Variants in DDX10 observed in about 807,000 individuals in gnomAD.
The protein encoded by DDX10 is probable ATP-dependent RNA helicase DDX10.
A neutral mutation model predicts 104.3 loss-of-function variants in DDX10; 74 were observed. The ratio of observed to expected loss-of-function variants is 0.71; its 90% confidence interval spans 0.59 to 0.86. DDX10 has a LOEUF of 0.86. Ranked by LOEUF, DDX10 falls within the 40% of genes least tolerant of loss-of-function variation. DDX10 has a pLI of 0.00. For missense variants in DDX10, 952 were observed against 1,040.0 expected (o/e 0.92, Z 1.16); for synonymous variants, 351 against 353.4 (o/e 0.99, Z 0.08).
At chr11:108,750,577 T>C (rs187402613) in intron 13 of DDX10, among the ~76,000 whole-genome samples, 1 of 152,172 alleles carries the variant, frequency 6.6e-6, no homozygotes, top group African/African-American at 2.4e-5. Context: ...CTTCTTAGAG[T>C]AATGTTTCTA....
intron 13 of DDX10, among the ~76,000 whole-genome samples, chr11:108,752,271 G>T (rs1407175642): frequency 6.6e-6 from 1 of 152,136 alleles, no homozygotes; most frequent in African/African-American, 2.4e-5. Context: ...AACCTACCGG[G>T]TTCCTCTTGC....
intron 14 of DDX10, 44 bp downstream of exon 14, chr11:108,838,609 A>G (rs1376282372): frequency 6.4e-7 from 1 of 1,563,748 alleles, no homozygotes; most frequent in Non-Finnish European, 8.7e-7. Flanking sequence ...CATTTGGAGT[A>G]TTAGAAGAGA....
intron 13 of DDX10, among the ~76,000 whole-genome samples, chr11:108,826,122 G>A (rs186105915): frequency 4.6e-5 from 7 of 152,208 alleles, no homozygotes; most frequent in East Asian, 3.9e-4. Flanking sequence ...TTTTTGATGC[G>A]AAAACAATTA....
chr11:108,682,559 A>T (rs2094236940), intron 6 of DDX10, among the ~76,000 whole-genome samples: 1 of 152,204 alleles, frequency 6.6e-6, no homozygotes, highest in African/African-American at 2.4e-5. Context: ...TTAATCTGGT[A>T]TGATAATTGC....
intron 13 of DDX10, among the ~76,000 whole-genome samples, chr11:108,792,924 T>C (rs935595303): frequency 1.3e-5 from 2 of 152,208 alleles, no homozygotes; most frequent in Admixed American, 1.3e-4. Flanking sequence ...TTGTTTTCAT[T>C]GTATGTGTCT....
At chr11:108,759,933 T>A (rs1382648888) in intron 13 of DDX10, among the ~76,000 whole-genome samples, 1 of 151,952 alleles carries the variant, frequency 6.6e-6, no homozygotes, top group East Asian at 1.9e-4. Context: ...TCTTACCTAC[T>A]TCATTGTGTT....
intron 17 of DDX10, 25 bp downstream of exon 17, chr11:108,918,043 A>G (rs772240763): frequency 1.9e-6 from 3 of 1,597,902 alleles, no homozygotes; most frequent in African/African-American, 2.7e-5. Flanking sequence ...TGGGTATGAA[A>G]TACATACTTA....
chr11:108,726,881 G>A (rs938485596), intron 13 of DDX10, among the ~76,000 whole-genome samples: 2 of 151,954 alleles, frequency 1.3e-5, no homozygotes, highest in African/African-American at 4.8e-5. Context: ...CTGGCTTAGT[G>A]TTTTTATGAT....
At chr11:108,855,155 C>T (rs749233118) in intron 16 of DDX10, among the ~76,000 whole-genome samples, 2 of 152,096 alleles carry the variant, frequency 1.3e-5, no homozygotes, top group African/African-American at 2.4e-5. Flanking sequence ...AACAAGATGT[C>T]GTATATTCTT....
intron 10 of DDX10, among the ~76,000 whole-genome samples, chr11:108,707,605 G>A (rs61914002): frequency 0.12 from 18,671 of 152,040 alleles, 1,557 homozygotes; most frequent in East Asian, 0.27. Flanking sequence ...TTGATTTTAT[G>A]CAAATAACCA....
intron 15 of DDX10, among the ~76,000 whole-genome samples, chr11:108,841,974 C>T (rs1466646132): frequency 6.6e-6 from 1 of 152,108 alleles, no homozygotes; most frequent in Non-Finnish European, 1.5e-5. Context: ...TATGGATGTA[C>T]TGAGGTTTGT....
chr11:108,847,413 A>T (rs1862734271), intron 15 of DDX10, among the ~76,000 whole-genome samples: 1 of 152,236 alleles, frequency 6.6e-6, no homozygotes, highest in Non-Finnish European at 1.5e-5. Context: ...ACAATTCATT[A>T]TGAAGCTCTT....
chr11:108,720,270 AT>A (rs1243296731), intron 12 of DDX10, among the ~76,000 whole-genome samples: 2 of 152,216 alleles, frequency 1.3e-5, no homozygotes, highest in Non-Finnish European at 2.9e-5. Context: ...GACATTGGCC[AT>A]TTCCTATAGT....
chr11:108,888,988 C>T (rs1863339036), intron 16 of DDX10, among the ~76,000 whole-genome samples: 1 of 151,998 alleles, frequency 6.6e-6, no homozygotes, highest in African/African-American at 2.4e-5. Flanking sequence ...GCCCTAGTTT[C>T]CTTTTTTATA....
chr11:108,909,619 A>G (rs1229273485), intron 16 of DDX10, among the ~76,000 whole-genome samples: 1 of 152,186 alleles, frequency 6.6e-6, no homozygotes, highest in Non-Finnish European at 1.5e-5. Flanking sequence ...GGAACCTGAG[A>G]GGGGCCTGTG....
chr11:108,926,500 G>GT (rs1443398946), intron 17 of DDX10, among the ~76,000 whole-genome samples: 2 of 152,178 alleles, frequency 1.3e-5, no homozygotes, highest in African/African-American at 2.4e-5. Flanking sequence ...AAGAGGACCA[G>GT]TTTTTTCCTC....
intron 13 of DDX10, among the ~76,000 whole-genome samples, chr11:108,728,024 A>G (rs549717123): frequency 3.3e-5 from 5 of 152,204 alleles, no homozygotes; most frequent in African/African-American, 4.8e-5. Flanking sequence ...AGTTGGGGGA[A>G]AAAAGTCCTA....
Position 108,884,346 on chromosome 11 carries a change from G to T in DDX10, c.2304+32137G>T, listed in dbSNP as rs954234466. Among the ~76,000 whole-genome samples, 6 of 152,074 alleles carry T rather than the reference G, an allele frequency of 3.9e-5. No individual in the cohort carries two copies. The South Asian group carries it at 1.0e-3, about 26-fold the overall frequency. On this transcript the variant is annotated intron_variant, in intron 16 of 17. Transcript: ENST00000322536. ...CTACCTCTGGGCCTTCACACTTGATGATCCCTATTCTAGAAAGCTTGTTCT... is the reference window on the plus strand; with the variant it reads ...CTACCTCTGGGCCTTCACACTTGATTATCCCTATTCTAGAAAGCTTGTTCT...
At chr11:108,727,372 A>G (rs888122622) in intron 13 of DDX10, among the ~76,000 whole-genome samples, 2 of 152,010 alleles carry the variant, frequency 1.3e-5, no homozygotes, top group Non-Finnish European at 2.9e-5. Context: ...CTGTTATGAT[A>G]TTAGTCTCTT....
Sources: allele counts gnomAD v4.1 joint callset (sites outside exome capture counted in the v4.1 genomes callset), GRCh38; gene constraint gnomAD v4.1.1; transcripts MANE v1.5; gene names NCBI Gene and HGNC (gene_info 2026-07-23, HGNC 2026-07-21).